The following THRB variants were observed in gnomAD, a reference collection of about 807,000 sequenced individuals.
THRB encodes the protein nuclear receptor subfamily 1 group A member 2.
A neutral mutation model predicts 47.8 loss-of-function variants in THRB; 12 were observed. The observed-to-expected ratio is 0.25, with a 90% CI of 0.16 to 0.41. The LOEUF is 0.41. Ranked by LOEUF, THRB falls within the 10% of genes least tolerant of loss-of-function variation. The pLI is 1.00. For synonymous variants in THRB, 218 were observed against 212.2 expected (o/e 1.03, Z -0.24); for missense variants, 348 against 589.2 (o/e 0.59, Z 4.24).
rs536658310 is a variant in THRB, at chr3:24,164,441, C to T, written c.284-11951G>A. Among the ~76,000 whole-genome samples, 103 of 152,152 alleles carry T rather than the reference C, an allele frequency of 6.8e-4. 1 individual carries two copies. Among genetic ancestry groups the T allele is most frequent in the Non-Finnish European group, 1.2e-3 (85 of 68,016 alleles). On this transcript the variant is annotated intron_variant, in intron 5 of 10. Coordinates refer to ENST00000646209, the MANE Select transcript of THRB (RefSeq NM_001354712.2). ...AAAGTTTCTCAGTTTTTGAGTTTTA[C>T]ATCTTACAGTTTGACATGGTTACAA...
At chr3:24,378,753 T>C (rs571753856) in intron 1 of THRB, among the ~76,000 whole-genome samples, 11 of 152,298 alleles carry the variant, frequency 7.2e-5, no homozygotes, top group African/African-American at 2.6e-4. Context: ...AATTATTTTC[T>C]ATTCATAAAT....
At chr3:24,203,787 A>G (rs549906839) in intron 4 of THRB, among the ~76,000 whole-genome samples, 1 of 152,220 alleles carries the variant, frequency 6.6e-6, no homozygotes, top group Non-Finnish European at 1.5e-5. Flanking sequence ...CGGCACCTGG[A>G]AAATCAGATC....
intron 3 of THRB, among the ~76,000 whole-genome samples, chr3:24,290,445 A>G (rs1299039777): frequency 6.6e-6 from 1 of 152,194 alleles, no homozygotes; most frequent in East Asian, 1.9e-4. Context: ...AGTGAGCATC[A>G]TATCCTGGGC....
At chr3:24,367,759 C>T (rs1290424837) in intron 1 of THRB, among the ~76,000 whole-genome samples, 1 of 152,120 alleles carries the variant, frequency 6.6e-6, no homozygotes, top group Non-Finnish European at 1.5e-5. Context: ...TAGATTACAA[C>T]AAGAAATGTT....
intron 4 of THRB, among the ~76,000 whole-genome samples, chr3:24,206,877 C>G (rs1422391428): frequency 6.6e-6 from 1 of 152,168 alleles, no homozygotes; most frequent in Non-Finnish European, 1.5e-5. Context: ...AACCTCTACA[C>G]AAATAAACTA....
At position 24,117,396 on chromosome 3, in the gene THRB, C is replaced by CTG. The variant is rs1052976860; in HGVS notation, c.*5486_*5487dup. ...CTCTCAGTCCATAGTTTAGATGAAG[C>CTG]TGACTGTCCCTCTTTCCCCTCACCC... On this transcript the variant is annotated 3_prime_UTR_variant, in exon 11 of 11. Transcript: ENST00000646209. 6.6e-6 allele frequency: 1 copy of CTG among 152,222 alleles called. No homozygotes were observed. The highest frequency in any genetic ancestry group is 1.5e-5 in the Non-Finnish European group (1 of 68,064). 9.4% of individuals were successfully genotyped at this position (152,222 alleles called of 1,614,324 possible).
intron 1 of THRB, among the ~76,000 whole-genome samples, chr3:24,407,928 G>A (rs543441026): frequency 1.3e-4 from 20 of 151,872 alleles, no homozygotes; most frequent in African/African-American, 4.6e-4. Context: ...AAAATATATC[G>A]AAAATATTTG....
rs190162478 is a variant in THRB, at chr3:24,459,738, T to A, written c.-261+34914A>T. Among the ~76,000 whole-genome samples, 34 of 152,312 alleles carry A rather than the reference T, an allele frequency of 2.2e-4. No individual in the cohort carries two copies. In the East Asian group the frequency reaches 6.2e-3, roughly 28 times the overall value. On this transcript the variant is annotated intron_variant, in intron 1 of 10. Transcript: ENST00000646209. ...AGTGATGATGAGCTTTTTTTCATGT[T>A]TGTTGGCTGCATAAATGTCTTCTTT...
intron 1 of THRB, among the ~76,000 whole-genome samples, chr3:24,485,180 T>C (rs975222122): frequency 6.6e-6 from 1 of 152,228 alleles, no homozygotes; most frequent in Non-Finnish European, 1.5e-5. Context: ...GTACATACAA[T>C]GGCAGAGAAA....
intron 3 of THRB, among the ~76,000 whole-genome samples, chr3:24,252,350 A>G (rs543492158): frequency 6.6e-6 from 1 of 152,244 alleles, no homozygotes; most frequent in South Asian, 2.1e-4. Flanking sequence ...GGAAATTTAC[A>G]ATATAATAAA....
At chr3:24,330,972 C>T (rs1288472074) in intron 2 of THRB, among the ~76,000 whole-genome samples, 1 of 151,962 alleles carries the variant, frequency 6.6e-6, no homozygotes, top group African/African-American at 2.4e-5. Context: ...AGATTACACA[C>T]ACAAGGGATG....
chr3:24,321,077 C>T (rs1419451571), intron 2 of THRB, among the ~76,000 whole-genome samples: 1 of 152,156 alleles, frequency 6.6e-6, no homozygotes, highest in Non-Finnish European at 1.5e-5. Context: ...GAAGAAAAAT[C>T]AGCAGAAGAA....
At position 24,181,930 on chromosome 3, in the gene THRB, G is replaced by T. The variant is rs575972496; in HGVS notation, c.283+8144C>A. Among the ~76,000 whole-genome samples, 4 of 152,128 alleles carry T rather than the reference G, an allele frequency of 2.6e-5. No individual in the cohort carries two copies. The East Asian group carries it at 7.7e-4, about 29-fold the overall frequency. ...GAAAGACCACAGTGGGGCCAGGTGC[G>T]GTGGCTCGTGCCTGTAATCCCAGCA... On this transcript the variant is annotated intron_variant, in intron 5 of 10. Coordinates refer to ENST00000646209, the MANE Select transcript of THRB (RefSeq NM_001354712.2).
intron 1 of THRB, among the ~76,000 whole-genome samples, chr3:24,390,516 G>A (rs1324614450): frequency 1.3e-5 from 2 of 151,996 alleles, no homozygotes; most frequent in Non-Finnish European, 2.9e-5. Flanking sequence ...TTGGGAAAAT[G>A]CTATAATTAG....
At chr3:24,263,789 T>A (rs903957526) in intron 3 of THRB, among the ~76,000 whole-genome samples, 1 of 152,176 alleles carries the variant, frequency 6.6e-6, no homozygotes, top group African/African-American at 2.4e-5. Context: ...AAATTAAAGA[T>A]GACCTCTGGA....
chr3:24,310,524 C>A (rs904607039), intron 2 of THRB, among the ~76,000 whole-genome samples: 4 of 152,134 alleles, frequency 2.6e-5, no homozygotes, highest in African/African-American at 9.7e-5. Flanking sequence ...GATTGCTGGG[C>A]CCCATCCCTA....
At chr3:24,453,545 C>A (rs1414981920) in intron 1 of THRB, among the ~76,000 whole-genome samples, 2 of 152,204 alleles carry the variant, frequency 1.3e-5, no homozygotes, top group Non-Finnish European at 1.5e-5. Context: ...GCAAAGGTCT[C>A]CCAAGTGGTC....
At chr3:24,315,866 T>C (rs2149247684) in intron 2 of THRB, among the ~76,000 whole-genome samples, 1 of 152,376 alleles carries the variant, frequency 6.6e-6, no homozygotes, top group Middle Eastern at 3.4e-3. Flanking sequence ...AAAGTAAGGT[T>C]TTATGATCCT....
At chr3:24,376,093 G>A (rs1211008461) in intron 1 of THRB, among the ~76,000 whole-genome samples, 2 of 152,088 alleles carry the variant, frequency 1.3e-5, no homozygotes, top group Non-Finnish European at 2.9e-5. Flanking sequence ...CAAGCTTGGC[G>A]AGTGATCAAA....
Sources: allele counts gnomAD v4.1 joint callset (sites outside exome capture counted in the v4.1 genomes callset), GRCh38; gene constraint gnomAD v4.1.1; transcripts MANE v1.5; gene names NCBI Gene and HGNC (gene_info 2026-07-23, HGNC 2026-07-21).